The following RSPO2 variants were observed in gnomAD, a reference collection of about 807,000 sequenced individuals.
RSPO2 encodes the protein R-spondin 2, also known as R-spondin-2.
In RSPO2, 14 loss-of-function variants were observed where a neutral mutation model predicts 30.9. The observed-to-expected ratio is 0.45, with a 90% confidence interval of 0.30 to 0.71. The LOEUF (loss-of-function observed/expected upper bound fraction) is 0.71. RSPO2 is among the 30% of genes least tolerant of loss of function. RSPO2 has a pLI of 0.08. For missense variants in RSPO2, 264 were observed against 301.9 expected (o/e 0.87, Z 0.93); for synonymous variants, 107 against 96.4 (o/e 1.11, Z -0.64).
At chr8:107,906,246 A>C (rs601273) in intron 5 of RSPO2, among the ~76,000 whole-genome samples, 1 of 151,948 alleles carries the variant, frequency 6.6e-6, no homozygotes, top group African/African-American at 2.4e-5. Flanking sequence ...TACTGAAAAA[A>C]TTGTAATGTA....
At chr8:108,061,517 G>A (rs910980979) in intron 2 of RSPO2, among the ~76,000 whole-genome samples, 1 of 151,704 alleles carries the variant, frequency 6.6e-6, no homozygotes, top group Non-Finnish European at 1.5e-5. Context: ...CAATACGGGA[G>A]CACCCAGATT....
At chr8:108,022,858 G>A (rs1811096263) in intron 2 of RSPO2, among the ~76,000 whole-genome samples, 1 of 151,218 alleles carries the variant, frequency 6.6e-6, no homozygotes, top group Admixed American at 6.6e-5. Flanking sequence ...CCATGAGGCA[G>A]AGGTTGCTGT....
intron 4 of RSPO2, among the ~76,000 whole-genome samples, chr8:107,958,611 T>G (rs1813513066): frequency 6.6e-6 from 1 of 152,192 alleles, no homozygotes. Context: ...ACATGTGCCA[T>G]GGTGGTTTGC....
chr8:108,037,309 A>G (rs1055160051), intron 2 of RSPO2, among the ~76,000 whole-genome samples: 1 of 152,194 alleles, frequency 6.6e-6, no homozygotes, highest in Admixed American at 6.5e-5. Context: ...AGAAGAATAA[A>G]CCAGCCAGAA....
rs115046212 is a variant in RSPO2, at chr8:107,990,864, G to A, written c.95-1620C>T. ...CTGATACAAGAACAGACAGGCTAAT[G>A]GAACAGAATAGAGTATCCAGAAATA... On this transcript the variant is annotated intron_variant, in intron 2 of 5. Coordinates refer to ENST00000276659, the MANE Select transcript of RSPO2 (RefSeq NM_178565.5). Among the ~76,000 whole-genome samples the A allele has an allele frequency of 9.2e-3, 1,404 of 152,244 alleles. 16 individuals carry two copies. Among genetic ancestry groups the A allele is most frequent in the African/African-American group, 0.03 (1,258 of 41,534 alleles).
At position 108,082,558 on chromosome 8, in the gene RSPO2, T is replaced by A; in HGVS notation, c.81A>T (p.Arg27Ser). The A allele has an allele frequency of 6.2e-7, 1 of 1,613,982 alleles. No homozygotes were observed. Residue 27 changes from arginine (R) to serine (S), a missense_variant, in exon 2 of 6, where the codon AGA becomes AGT. Transcript: ENST00000276659. ...AGAGGGACCCACCTCGCTTACTGCGTCTCCATCGGTTGCCTTGGCAGTGGC... is the reference window on the plus strand; with the variant it reads ...AGAGGGACCCACCTCGCTTACTGCGACTCCATCGGTTGCCTTGGCAGTGGC... ...DYSHCQGNRWRRSKRASYVSN... is the reference protein window; with the variant it reads ...DYSHCQGNRWSRSKRASYVSN...
intron 2 of RSPO2, among the ~76,000 whole-genome samples, chr8:108,063,920 C>A (rs949411916): frequency 1.4e-4 from 21 of 152,250 alleles, no homozygotes; most frequent in Non-Finnish European, 2.6e-4. Flanking sequence ...GAAAAACAAG[C>A]AATGGGGAAA....
At chr8:108,007,876 G>A (rs1466527370) in intron 2 of RSPO2, among the ~76,000 whole-genome samples, 1 of 152,010 alleles carries the variant, frequency 6.6e-6, no homozygotes. Flanking sequence ...AGAGTTTGAG[G>A]CTGCAGCGCA....
At chr8:107,960,542 CTTAA>C (rs765402665) in intron 4 of RSPO2, 128 bp downstream of exon 4, 16 of 858,504 alleles carry the variant, frequency 1.9e-5, no homozygotes, top group Non-Finnish European at 2.5e-5. Flanking sequence ...CAGCAAAGAA[CTTAA>C]TTTTCAGTTC....
chr8:107,902,394 G>C (rs1304066581), intron 5 of RSPO2, among the ~76,000 whole-genome samples: 2 of 152,124 alleles, frequency 1.3e-5, no homozygotes, highest in Non-Finnish European at 2.9e-5. Context: ...TAGGGAACAG[G>C]ACATTCAGTT....
intron 2 of RSPO2, among the ~76,000 whole-genome samples, chr8:107,998,917 C>T (rs1182329467): frequency 6.6e-6 from 1 of 152,126 alleles, no homozygotes; most frequent in Non-Finnish European, 1.5e-5. Flanking sequence ...CATGGTGCCG[C>T]ATGCCTGTAA....
Position 107,964,403 on chromosome 8 carries a change from C to A in RSPO2, c.284-3586G>T, listed in dbSNP as rs146859508. On this transcript the variant is annotated intron_variant, in intron 3 of 5. Coordinates refer to ENST00000276659, the MANE Select transcript of RSPO2 (RefSeq NM_178565.5). Reference sequence around the variant, plus strand: ...ATTACAGGCATCATGCGCCACCATGCCCAGCTAATTTTGTATTTTTAGTAG... The same window carrying A: ...ATTACAGGCATCATGCGCCACCATGACCAGCTAATTTTGTATTTTTAGTAG... Among the ~76,000 whole-genome samples the A allele has an allele frequency of 2.8e-3, 422 of 152,252 alleles. 4 individuals are homozygous for A. The highest frequency in any genetic ancestry group is 0.023 in the Admixed American group (347 of 15,282).
At chr8:108,010,686 G>T (rs141387311) in intron 2 of RSPO2, among the ~76,000 whole-genome samples, 3 of 152,180 alleles carry the variant, frequency 2.0e-5, no homozygotes, top group African/African-American at 7.2e-5. Context: ...AGATCAGTAA[G>T]GTCAGCACAC....
intron 2 of RSPO2, among the ~76,000 whole-genome samples, chr8:108,000,896 G>T (rs1586615981): frequency 6.6e-6 from 1 of 152,186 alleles, no homozygotes; most frequent in East Asian, 1.9e-4. Flanking sequence ...CAGCTACTCA[G>T]GAGGCTGAGG....
chr8:108,030,119 G>GAAAAAAAAAA (rs11434221), intron 2 of RSPO2, among the ~76,000 whole-genome samples: 2 of 70,974 alleles, frequency 2.8e-5, no homozygotes, highest in Non-Finnish European at 5.4e-5. Context: ...GGATAGATAG[G>GAAAAAAAAAA]AAAAAAAAAA....
chr8:107,930,885 G>T (rs765477922), intron 5 of RSPO2, among the ~76,000 whole-genome samples: 8 of 152,090 alleles, frequency 5.3e-5, no homozygotes, highest in Non-Finnish European at 7.3e-5. Context: ...ATATAATATG[G>T]TTCGAATCCT....
At chr8:107,904,387 C>T (rs1811574290) in intron 5 of RSPO2, among the ~76,000 whole-genome samples, 1 of 151,216 alleles carries the variant, frequency 6.6e-6, no homozygotes, top group Non-Finnish European at 1.5e-5. Context: ...TTGAGTTTTA[C>T]GAGGGGATTG....
intron 4 of RSPO2, 130 bp downstream of exon 4, chr8:107,960,539 GAACTT>G: frequency 1.2e-6 from 1 of 831,698 alleles, no homozygotes; most frequent in East Asian, 2.7e-5. Flanking sequence ...AATCAGCAAA[GAACTT>G]AATTTTCAGT....
intron 3 of RSPO2, chr8:107,983,183 C>T: frequency 6.4e-7 from 1 of 1,554,110 alleles, no homozygotes; most frequent in Non-Finnish European, 8.8e-7. Context: ...CGTTTATTAG[C>T]TGTAGGCAAA....
Sources: allele counts gnomAD v4.1 joint callset (sites outside exome capture counted in the v4.1 genomes callset), GRCh38; gene constraint gnomAD v4.1.1; transcripts MANE v1.5; gene names NCBI Gene and HGNC (gene_info 2026-07-23, HGNC 2026-07-21).